RAB11FIP4: variants seen among roughly 807,000 people sequenced by gnomAD.
The protein encoded by RAB11FIP4 is RAB11 family interacting protein 4, also known as rab11 family-interacting protein 4.
In RAB11FIP4, 23 loss-of-function variants were observed where a neutral mutation model predicts 74.3. The ratio of observed to expected loss-of-function variants is 0.31; its 90% CI spans 0.22 to 0.44. The LOEUF (loss-of-function observed/expected upper bound fraction) is 0.44, where lower values mean the gene tolerates loss of function less well. Ranked by LOEUF, RAB11FIP4 falls within the 20% of genes least tolerant of loss-of-function variation. The pLI is 1.00. For missense variants in RAB11FIP4, 630 were observed against 863.9 expected, an observed-to-expected ratio of 0.73 and a Z score of 3.39; for synonymous variants, 360 against 359.9, an observed-to-expected ratio of 1.00 and a Z score of 0.00.
intron 3 of RAB11FIP4, among the ~76,000 whole-genome samples, chr17:31,482,729 C>T: frequency 6.6e-6 from 1 of 152,148 alleles, no homozygotes; most frequent in Non-Finnish European, 1.5e-5. Context: ...TCATCAAATA[C>T]TGAATTTACC....
intron 2 of RAB11FIP4, 69 bp from the exon 3 acceptor site, chr17:31,433,965 G>C: frequency 6.9e-7 from 1 of 1,455,916 alleles, no homozygotes; most frequent in Non-Finnish European, 9.3e-7. Flanking sequence ...CCATTAGTCA[G>C]AAGCAGAGCA....
chr17:31,516,733 C>T (rs1329605349), intron 3 of RAB11FIP4, among the ~76,000 whole-genome samples: 1 of 152,222 alleles, frequency 6.6e-6, no homozygotes, highest in Non-Finnish European at 1.5e-5. Context: ...CTCCCAAGTG[C>T]TGGGATTACA....
rs549242665 is a variant in RAB11FIP4, at chr17:31,531,391, C to T, written c.1798-225C>T. Reference sequence around the variant, plus strand: ...CTACAAACTGATCACATTGGAATCTCTGGGGGTGGGGCCTGGGCACCTGCA... The same window carrying T: ...CTACAAACTGATCACATTGGAATCTTTGGGGGTGGGGCCTGGGCACCTGCA... On this transcript the variant is annotated intron_variant, in intron 14 of 14. Transcript: ENST00000621161. Among the ~76,000 whole-genome samples, 6 of 152,330 alleles carry T rather than the reference C, an allele frequency of 3.9e-5. No individual in the cohort carries two copies. In the South Asian group the frequency reaches 1.2e-3, roughly 32 times the overall value.
chr17:31,451,969 G>A (rs1326253620), intron 3 of RAB11FIP4, among the ~76,000 whole-genome samples: 1 of 152,168 alleles, frequency 6.6e-6, no homozygotes, highest in Non-Finnish European at 1.5e-5. Context: ...CATATGTTGT[G>A]TAATGATCAA....
In RAB11FIP4 at chr17:31,445,530, TTTTATATATATATATA is replaced by T. The variant is rs1482814214; in HGVS notation, c.336+11410_336+11425del. ...AAAATCTACATTCAAATTTTCCCAA[TTTTATATATATATATA>T]TATATATATATATATATATATATAT... is the stretch of plus-strand genomic sequence containing the variant. On this transcript the variant is annotated intron_variant, in intron 3 of 14. Transcript: ENST00000621161. Among the ~76,000 whole-genome samples, 197 of 36,748 alleles carry T rather than the reference TTTTATATATATATATA, an allele frequency of 5.4e-3. 17 individuals are homozygous for T. Among genetic ancestry groups the T allele is most frequent in the East Asian group, 0.025 (24 of 960 alleles). The allele number at this position is 36,748 out of a possible 152,430, so 24.1% of individuals were successfully genotyped here.
intron 3 of RAB11FIP4, among the ~76,000 whole-genome samples, chr17:31,472,211 C>A (rs938344277): frequency 6.6e-6 from 1 of 151,954 alleles, no homozygotes; most frequent in Non-Finnish European, 1.5e-5. Context: ...GGGCTGCCCA[C>A]CTGAGGTCAG....
At chr17:31,500,876 A>G (rs2072207219) in intron 3 of RAB11FIP4, among the ~76,000 whole-genome samples, 1 of 152,098 alleles carries the variant, frequency 6.6e-6, no homozygotes, top group African/African-American at 2.4e-5. Flanking sequence ...TACAAAAATT[A>G]GCTGGGTGTG....
intron 1 of RAB11FIP4, among the ~76,000 whole-genome samples, chr17:31,422,638 CTGT>C (rs2071210768): frequency 6.6e-6 from 1 of 152,154 alleles, no homozygotes; most frequent in Admixed American, 6.5e-5. Flanking sequence ...TAGGCAATTT[CTGT>C]TGTTCTATCA....
chr17:31,525,607 C>T, intron 10 of RAB11FIP4: 1 of 225,228 alleles, frequency 4.4e-6, no homozygotes, highest in Non-Finnish European at 8.8e-6. Context: ...AAACCCGGCT[C>T]CTGTGCCTTG....
chr17:31,508,646 C>G (rs2072398070), intron 3 of RAB11FIP4, among the ~76,000 whole-genome samples: 1 of 152,236 alleles, frequency 6.6e-6, no homozygotes, highest in African/African-American at 2.4e-5. Context: ...TGGTGCTTCC[C>G]AGGAGACCAC....
At chr17:31,530,563 A>T in intron 14 of RAB11FIP4, 94 bp downstream of exon 14, 1 of 1,490,420 alleles carries the variant, frequency 6.7e-7, no homozygotes, top group Non-Finnish European at 9.1e-7. Context: ...AAACCAGACC[A>T]GGGCCTGGCA....
intron 3 of RAB11FIP4, among the ~76,000 whole-genome samples, chr17:31,492,745 C>T (rs1193165405): frequency 6.6e-6 from 1 of 152,128 alleles, no homozygotes; most frequent in Non-Finnish European, 1.5e-5. Context: ...TGTCATTGGC[C>T]AGCTTCTGTG....
At chr17:31,408,751 G>A (rs1448340440) in intron 1 of RAB11FIP4, among the ~76,000 whole-genome samples, 1 of 152,216 alleles carries the variant, frequency 6.6e-6, no homozygotes, top group East Asian at 1.9e-4. Context: ...CAACTGACAT[G>A]TGCTGGAACA....
At position 31,528,390 on chromosome 17, in the gene RAB11FIP4, G is replaced by A. The variant is rs1468387850; in HGVS notation, c.1357-16G>A. ...TCTGGGAACTCTCCTCCCCTGATCG[G>A]GTCTCCCTGCTCCAGGAGCGGCAGC... On this transcript the variant is annotated splice_polypyrimidine_tract_variant and intron_variant, in intron 11 of 14. Transcript: ENST00000621161. 6 of 1,610,206 alleles carry A rather than the reference G, an allele frequency of 3.7e-6. No homozygotes were observed. Among genetic ancestry groups the A allele is most frequent in the Non-Finnish European group, 5.1e-6 (6 of 1,179,282 alleles).
At chr17:31,457,738 C>T (rs1034237969) in intron 3 of RAB11FIP4, among the ~76,000 whole-genome samples, 3 of 151,972 alleles carry the variant, frequency 2.0e-5, no homozygotes, top group African/African-American at 7.3e-5. Context: ...GCTGCCCTAC[C>T]CTCTGTCTCT....
chr17:31,411,889 G>A lies in RAB11FIP4; in HGVS notation c.159+19878G>A, dbSNP rs144836322. On this transcript the variant is annotated intron_variant, in intron 1 of 14. Transcript: ENST00000621161. ...GCAGTTGCAGCAGAGAGGAAGCGAGGGCTAGAAAGCCTGAGACATAGACAG... is the reference window on the plus strand; with the variant it reads ...GCAGTTGCAGCAGAGAGGAAGCGAGAGCTAGAAAGCCTGAGACATAGACAG... 2.2e-3 allele frequency among the ~76,000 whole-genome samples: 335 copies of A among 152,364 alleles called. 2 individuals are homozygous for A. The highest frequency in any genetic ancestry group is 7.5e-3 in the African/African-American group (310 of 41,586).
intron 3 of RAB11FIP4, among the ~76,000 whole-genome samples, chr17:31,437,107 C>T (rs897972310): frequency 6.6e-6 from 1 of 152,152 alleles, no homozygotes; most frequent in South Asian, 2.1e-4. Flanking sequence ...CCATGGAGGT[C>T]TGGCCCCGGC....
At chr17:31,519,711 T>C (rs1415567732) in intron 4 of RAB11FIP4, among the ~76,000 whole-genome samples, 6 of 152,176 alleles carry the variant, frequency 3.9e-5, no homozygotes, top group Admixed American at 3.9e-4. Flanking sequence ...AGTAATTTCA[T>C]GTGGTTCAAC....
intron 3 of RAB11FIP4, among the ~76,000 whole-genome samples, chr17:31,447,494 A>C (rs1376515696): frequency 6.6e-6 from 1 of 152,188 alleles, no homozygotes; most frequent in Non-Finnish European, 1.5e-5. Context: ...ATAATGAGAA[A>C]GACTTTTATC....
Sources: gnomAD v4.1 joint callset for allele counts (sites outside exome capture counted in the v4.1 genomes callset) on GRCh38, gnomAD v4.1.1 for gene constraint, MANE v1.5 for transcripts, NCBI Gene and HGNC (gene_info 2026-07-23, HGNC 2026-07-21) for gene names.